ACCSL: variants seen among roughly 807,000 people sequenced by gnomAD.
ACCSL encodes the protein 1-aminocyclopropane-1-carboxylate synthase homolog (inactive) like.
ACCSL carries 55 observed loss-of-function variants against 61.7 expected under a neutral mutation model. The ratio of observed to expected loss-of-function variants is 0.89; its 90% CI spans 0.72 to 1.12. The LOEUF is 1.12. ACCSL is among the 50% of genes most tolerant of loss of function. ACCSL has a pLI of 0.00. For missense variants in ACCSL, 632 were observed against 698.0 expected, an observed-to-expected ratio of 0.91 and a Z score of 1.07; for synonymous variants, 258 against 264.3, an observed-to-expected ratio of 0.98 and a Z score of 0.23.
intron 11 of ACCSL, 128 bp downstream of exon 11, chr11:44,056,454 G>A (rs1590432703): frequency 2.4e-6 from 3 of 1,273,084 alleles, no homozygotes; most frequent in Non-Finnish European, 3.2e-6. Context: ...AGATTTAACT[G>A]TGGTAAGATG....
intron 8 of ACCSL, 67 bp downstream of exon 8, chr11:44,053,573 T>C: frequency 2.8e-6 from 4 of 1,445,670 alleles, no homozygotes; most frequent in Non-Finnish European, 3.9e-6. Flanking sequence ...TATAGTCAAG[T>C]AATCAAGAGC....
the ACCSL span, among the ~76,000 whole-genome samples, chr11:44,010,401 G>T: frequency 3.9e-3 from 591 of 152,256 alleles, 3 homozygotes; most frequent in Non-Finnish European, 4.1e-3. Context: ...CTATGTACAG[G>T]CATTACTCTA....
chr11:44,059,700 T>A (rs2134779859), intron 13 of ACCSL, 138 bp from the exon 14 acceptor site: 1 of 622,618 alleles, frequency 1.6e-6, no homozygotes, highest in African/African-American at 1.9e-5. Flanking sequence ...TGGAAATCCA[T>A]CCCAAAGGTG....
chr11:44,055,289 AAGGTG>A lies in ACCSL; in HGVS notation c.1139+1_1139+5del. On this transcript the variant is annotated splice_donor_variant and splice_donor_region_variant and coding_sequence_variant and intron_variant, in exon 9 of 14. Transcript: ENST00000378832. LOFTEE classifies it high-confidence loss of function. ...CATTCCACAGCATTCTGAGCATGAAAAGGTGAGCTGGTCTCAGCTGGAGTTGGGAA... is the reference window on the plus strand; with the variant it reads ...CATTCCACAGCATTCTGAGCATGAAAAGCTGGTCTCAGCTGGAGTTGGGAA... The A allele has an allele frequency of 6.2e-7, 1 of 1,612,330 alleles. No individual in the cohort carries two copies. The highest frequency in any genetic ancestry group is 8.5e-7 in the Non-Finnish European group (1 of 1,178,650).
the ACCSL span, chr11:43,924,944 G>C: frequency 6.3e-6 from 1 of 159,540 alleles, no homozygotes; most frequent in Non-Finnish European, 1.4e-5. Flanking sequence ...TGTCTCCTTC[G>C]GGTTGTTTCC....
the ACCSL span, among the ~76,000 whole-genome samples, chr11:44,004,629 C>T: frequency 2.0e-5 from 3 of 152,198 alleles, no homozygotes; most frequent in African/African-American, 4.8e-5. Flanking sequence ...CCCTAGGAAT[C>T]GAGGGGGCTT....
the ACCSL span, among the ~76,000 whole-genome samples, chr11:44,012,662 T>G: frequency 6.9e-4 from 105 of 152,324 alleles, no homozygotes; most frequent in Non-Finnish European, 1.0e-3. Flanking sequence ...TAGTGCCAAA[T>G]TATCTTCCAA....
chr11:43,943,606 C>T, the ACCSL span: 1 of 1,307,794 alleles, frequency 7.6e-7, no homozygotes, highest in Non-Finnish European at 1.0e-6. The surrounding 1 kb of genome is among the most constrained non-coding windows in gnomAD (Gnocchi z 4.8). Flanking sequence ...ATGCCCTTGT[C>T]CGATGGTTTG....
At chr11:44,025,747 C>G in the ACCSL span, among the ~76,000 whole-genome samples, 1 of 112,234 alleles carries the variant, frequency 8.9e-6, no homozygotes, top group East Asian at 2.3e-4. Flanking sequence ...GATAAATTCT[C>G]TCAGTTACAA....
At chr11:43,959,309 G>A in the ACCSL span, among the ~76,000 whole-genome samples, 6 of 152,150 alleles carry the variant, frequency 3.9e-5, no homozygotes, top group Non-Finnish European at 5.9e-5. Flanking sequence ...ATGGCCTGAC[G>A]TTGACCAAGC....
the ACCSL span, among the ~76,000 whole-genome samples, chr11:43,998,239 A>AGG: frequency 6.6e-6 from 1 of 152,212 alleles, no homozygotes; most frequent in Non-Finnish European, 1.5e-5. Flanking sequence ...CCTTCAGTGC[A>AGG]GCACTGTTAC....
the ACCSL span, chr11:43,943,494 T>C: frequency 7.3e-7 from 1 of 1,378,224 alleles, no homozygotes; most frequent in Non-Finnish European, 9.6e-7. This position sits in a 1 kb window ranked among gnomAD's most constrained non-coding sequence, Gnocchi z 4.8. Flanking sequence ...GCTTTCCTCG[T>C]CCTTGTAAAT....
the ACCSL span, among the ~76,000 whole-genome samples, chr11:44,026,829 A>C: frequency 6.6e-6 from 1 of 152,052 alleles, no homozygotes; most frequent in Admixed American, 6.6e-5. Context: ...TCCTGGGTTC[A>C]AGCCATTCTC....
At chr11:43,953,797 T>C in the ACCSL span, among the ~76,000 whole-genome samples, 1 of 152,158 alleles carries the variant, frequency 6.6e-6, no homozygotes, top group African/African-American at 2.4e-5. Context: ...ATTCACCCCT[T>C]GTTTAGCATA....
the ACCSL span, among the ~76,000 whole-genome samples, chr11:44,010,523 C>G: frequency 6.6e-6 from 1 of 152,166 alleles, no homozygotes; most frequent in Non-Finnish European, 1.5e-5. Context: ...GAATTGACCC[C>G]TCTCATGCCC....
chr11:44,023,628 T>G, the ACCSL span, among the ~76,000 whole-genome samples: 14 of 51,246 alleles, frequency 2.7e-4, no homozygotes, highest in African/African-American at 7.1e-4. Flanking sequence ...ATTTTATCTG[T>G]TTTTTTTTTT....
chr11:43,977,011 C>T, the ACCSL span, among the ~76,000 whole-genome samples: 1 of 152,308 alleles, frequency 6.6e-6, no homozygotes, highest in Admixed American at 6.5e-5. Flanking sequence ...ACAGAGGTGC[C>T]TTGAATGGAA....
chr11:44,026,761 C>T, the ACCSL span, among the ~76,000 whole-genome samples: 501 of 151,916 alleles, frequency 3.3e-3, no homozygotes, highest in African/African-American at 0.012. Flanking sequence ...TGGAGTTTCA[C>T]TCTTGTTGCC....
the ACCSL span, among the ~76,000 whole-genome samples, chr11:43,968,364 G>C: frequency 7.1e-6 from 1 of 140,152 alleles, no homozygotes; most frequent in African/African-American, 2.7e-5. Context: ...ACAGCCCTTT[G>C]CCCCCCAACC....
Sources: gnomAD v4.1 joint callset for allele counts (sites outside exome capture counted in the v4.1 genomes callset) on GRCh38, gnomAD v4.1.1 for gene constraint, Gnocchi (gnomAD v3.1) non-coding constraint, MANE v1.5 for transcripts, NCBI Gene and HGNC (gene_info 2026-07-23, HGNC 2026-07-21) for gene names.